The following RNF24 variants were observed in gnomAD, a reference collection of about 807,000 sequenced individuals.
RNF24 encodes the protein ring finger protein 24.
Under a neutral mutation model 20.0 loss-of-function variants are expected in RNF24, and 14 were observed. That is an observed-to-expected ratio of 0.70 (90% CI 0.46 to 1.10). The LOEUF is 1.10. RNF24 is among the 50% of genes least tolerant of loss of function. RNF24 has a pLI of 0.00. For synonymous variants in RNF24, 45 were observed against 61.1 expected, an observed-to-expected ratio of 0.74 and a Z score of 1.23; for missense variants, 124 against 177.6, an observed-to-expected ratio of 0.70 and a Z score of 1.71.
intron 2 of RNF24, among the ~76,000 whole-genome samples, chr20:3,953,163 T>G (rs939672782): frequency 2.6e-5 from 4 of 152,180 alleles, no homozygotes; most frequent in African/African-American, 9.7e-5. Context: ...TTCCTTTCTT[T>G]TCTTTTGGAG....
chr20:3,950,869 GTTCT>G lies in RNF24; in HGVS notation c.144-2594_144-2591del, dbSNP rs578027793. Among the ~76,000 whole-genome samples the G allele has an allele frequency of 4.8e-3, 726 of 152,192 alleles. 2 individuals carry two copies. Among genetic ancestry groups the G allele is most frequent in the Admixed American group, 9.2e-3 (141 of 15,276 alleles). On this transcript the variant is annotated intron_variant, in intron 2 of 5. Transcript: ENST00000358395. ...TACAGACCTTATTTGAATTTTACCA[GTTCT>G]TTCTCTCATGTCCTTTTCCTGTTCT... is the stretch of plus-strand genomic sequence containing the variant.
At position 3,935,040 on chromosome 20, in the gene RNF24, G is replaced by C. The variant is rs2090873599; in HGVS notation, c.262C>G (p.Arg88Gly). The change falls in exon 5 of 6, where the codon CGA (arginine) becomes GGA (glycine). Residue 88 changes from arginine to glycine, a missense_variant. Arg to Gly is a moderately radical substitution (Grantham distance 125). Transcript: ENST00000358395. ...CAVCLEDFKP[R>G]DELGICPCKH... The stretch of plus-strand genomic sequence containing the variant: ...CATGGGCAAATCCCCAACTCATCTC[G>C]AGGCTTGAAGTCTTCTAGGCACACT... The C allele has an allele frequency of 6.2e-7, 1 of 1,613,818 alleles. No homozygotes were observed. The highest frequency in any genetic ancestry group is 1.3e-5 in the African/African-American group (1 of 74,862).
intron 1 of RNF24, among the ~76,000 whole-genome samples, chr20:4,001,896 A>G (rs539775414): frequency 6.6e-6 from 1 of 152,062 alleles, no homozygotes; most frequent in East Asian, 1.9e-4. Context: ...GTGGTAAGCT[A>G]AGATTGCACC....
rs552495794 is a variant in RNF24 at position 3,975,032 on chromosome 20, C to G, written c.-7-11008G>C. On this transcript the variant is annotated intron_variant, in intron 1 of 5. Transcript: ENST00000358395. ...GACTCATCATAGCCTAATCAAGACA[C>G]TGATTGGTTTTAGCAAAAGGATAGA... Among the ~76,000 whole-genome samples the G allele has an allele frequency of 5.3e-5, 8 of 152,240 alleles. No homozygotes were observed. The South Asian group carries it at 1.7e-3, about 32-fold the overall frequency.
chr20:3,989,743 G>C (rs1226427481), intron 1 of RNF24, among the ~76,000 whole-genome samples: 1 of 152,120 alleles, frequency 6.6e-6, no homozygotes, highest in Non-Finnish European at 1.5e-5. Context: ...CTGATGGTGT[G>C]AGAGTCTCCA....
chr20:3,977,863 C>CAAA (rs1244052901), intron 1 of RNF24, among the ~76,000 whole-genome samples: 1 of 47,436 alleles, frequency 2.1e-5, no homozygotes, highest in Non-Finnish European at 4.3e-5. Context: ...GACTCCGTCT[C>CAAA]AAAAAAAAAA....
At chr20:3,990,883 TA>T (rs935079978) in intron 1 of RNF24, among the ~76,000 whole-genome samples, 27 of 145,390 alleles carry the variant, frequency 1.9e-4, no homozygotes, top group Middle Eastern at 3.5e-3. Flanking sequence ...CTCTAAAAAT[TA>T]AAAAAAAAAA....
chr20:3,977,647 C>T (rs1395831416), intron 1 of RNF24, among the ~76,000 whole-genome samples: 1 of 151,962 alleles, frequency 6.6e-6, no homozygotes, highest in Admixed American at 6.6e-5. Flanking sequence ...GGGCGGATCA[C>T]GAGGTCAGGA....
intron 1 of RNF24, among the ~76,000 whole-genome samples, chr20:3,988,454 ACT>A (rs1335877250): frequency 3.6e-5 from 5 of 140,344 alleles, no homozygotes; most frequent in Non-Finnish European, 6.1e-5. Context: ...ATGAAAAGAA[ACT>A]CTTTTTTTTT....
rs1461680150 is a variant in RNF24, at chr20:3,928,237, T to TA, written c.*5825dup. ...ACAAATGCCAGAAGAGTGGATGTGA[T>TA]AGAGAATTTTTTCTCAAGTTTTGGG... is the stretch of plus-strand genomic sequence containing the variant. On this transcript the variant is annotated 3_prime_UTR_variant, in exon 6 of 6. Transcript: ENST00000358395. 1.3e-5 allele frequency: 2 copies of TA among 152,220 alleles called. No homozygotes were observed. Among genetic ancestry groups the TA allele is most frequent in the Admixed American group, 6.5e-5 (1 of 15,290 alleles). The allele number at this position is 152,220 out of a possible 1,614,324, so 9.4% of individuals were successfully genotyped here. A position where few individuals can be genotyped will look rare whatever the true frequency, so the allele number is the denominator to read the frequency against.
intron 1 of RNF24, among the ~76,000 whole-genome samples, chr20:3,969,969 C>G (rs1217947870): frequency 1.3e-5 from 2 of 152,002 alleles, no homozygotes. Context: ...CAGAGTTTCA[C>G]CATGTTGGCC....
intron 2 of RNF24, among the ~76,000 whole-genome samples, chr20:3,955,400 T>C (rs188927952): frequency 2.0e-5 from 3 of 152,332 alleles, no homozygotes; most frequent in Admixed American, 2.0e-4. Flanking sequence ...TCTTTCCCCA[T>C]TGAATGATCT....
intron 1 of RNF24, among the ~76,000 whole-genome samples, chr20:3,969,773 G>GTTGT (rs539591118): frequency 7.3e-6 from 1 of 136,278 alleles, no homozygotes; most frequent in Non-Finnish European, 1.6e-5. Flanking sequence ...GCTGAAATCT[G>GTTGT]TTTTTTTTTT....
chr20:3,984,276 T>A (rs1191795803), intron 1 of RNF24, among the ~76,000 whole-genome samples: 2 of 152,102 alleles, frequency 1.3e-5, no homozygotes, highest in Admixed American at 6.6e-5. Flanking sequence ...TTTGGCAAAT[T>A]AGAAGTAATT....
chr20:3,977,733 T>C (rs558426026), intron 1 of RNF24, among the ~76,000 whole-genome samples: 68 of 151,280 alleles, frequency 4.5e-4, no homozygotes, highest in South Asian at 8.4e-4. Flanking sequence ...GATGTGGTGG[T>C]GGGCGCCTGT....
chr20:3,927,714 C>G lies in RNF24; in HGVS notation c.*6349G>C, dbSNP rs1005962138. ...CACTTGCCACACCTGCTCCCCCGACCGGGGGCCTGGGAGGGAAGGGCAGAT... is the reference window on the plus strand; with the variant it reads ...CACTTGCCACACCTGCTCCCCCGACGGGGGGCCTGGGAGGGAAGGGCAGAT... On this transcript the variant is annotated 3_prime_UTR_variant, in exon 6 of 6. Coordinates refer to ENST00000358395, the MANE Select transcript of RNF24 (RefSeq NM_001134337.3). 6.6e-6 allele frequency: 1 copy of G among 152,246 alleles called. No homozygotes were observed. The highest frequency in any genetic ancestry group is 2.4e-5 in the African/African-American group (1 of 41,434). The allele number at this position is 152,246 out of a possible 1,614,324, so 9.4% of individuals were successfully genotyped here.
intron 3 of RNF24, 96 bp from the exon 4 acceptor site, chr20:3,945,314 G>A: frequency 2.6e-6 from 3 of 1,174,164 alleles, no homozygotes; most frequent in South Asian, 3.1e-5. Context: ...TGTATATATG[G>A]CTCATTTCCC....
At chr20:3,959,223 G>A (rs924970856) in intron 2 of RNF24, among the ~76,000 whole-genome samples, 4 of 152,084 alleles carry the variant, frequency 2.6e-5, no homozygotes, top group African/African-American at 9.7e-5. Flanking sequence ...CACTTAAAAT[G>A]TGCCCATTCA....
intron 2 of RNF24, among the ~76,000 whole-genome samples, chr20:3,952,682 T>C (rs1568625048): frequency 6.6e-6 from 1 of 151,914 alleles, no homozygotes. Context: ...AAGTATGATG[T>C]TTTCTTTAGA....
Sources: allele counts gnomAD v4.1 joint callset (sites outside exome capture counted in the v4.1 genomes callset), GRCh38; gene constraint gnomAD v4.1.1; transcripts MANE v1.5; gene names NCBI Gene and HGNC (gene_info 2026-07-23, HGNC 2026-07-21).